C1orf226: variants seen among roughly 807,000 people sequenced by gnomAD.
C1orf226 encodes the protein chromosome 1 open reading frame 226.
C1orf226 carries 4 observed loss-of-function variants against 10.5 expected under a neutral mutation model. The observed-to-expected ratio is 0.38, with a 90% CI of 0.19 to 0.87. C1orf226 has a LOEUF of 0.87. Among genes scored for constraint, C1orf226 ranks in the 40% least tolerant of loss-of-function variants. The pLI is 0.41. For synonymous variants in C1orf226, 125 were observed against 139.3 expected (o/e 0.90, Z 0.72); for missense variants, 313 against 336.2 (o/e 0.93, Z 0.54).
intron 1 of C1orf226, among the ~76,000 whole-genome samples, chr1:162,382,724 G>A (rs1009593653): frequency 2.0e-4 from 30 of 152,198 alleles, no homozygotes; most frequent in African/African-American, 6.5e-4. Flanking sequence ...TTGTGGAGAA[G>A]CCTGCACCTG....
rs1648087813 is a variant in C1orf226 at position 162,385,678 on chromosome 1, C to T, written c.*1995C>T. 1 of 152,188 alleles carries T rather than the reference C, an allele frequency of 6.6e-6. No individual in the cohort carries two copies. The highest frequency in any genetic ancestry group is 2.1e-4 in the South Asian group (1 of 4,836). 9.4% of individuals were successfully genotyped at this position (152,188 alleles called of 1,614,324 possible). A position where few individuals can be genotyped will look rare whatever the true frequency, so the allele number is the denominator to read the frequency against. On this transcript the variant is annotated 3_prime_UTR_variant, in exon 2 of 2. Coordinates refer to ENST00000458626, the MANE Select transcript of C1orf226 (RefSeq NM_001085375.2). ...GTTCCCAGAATGGTTTGGGGTATCA[C>T]ACAAAACACCAGAGCTGAGGATAGG...
chr1:162,382,571 G>A (rs77061615), intron 1 of C1orf226, among the ~76,000 whole-genome samples: 2,864 of 152,270 alleles, frequency 0.019, 41 homozygotes, highest in Middle Eastern at 0.044. Flanking sequence ...GATAACTCAC[G>A]TTCAGACAGA....
At chr1:162,380,765 A>T (rs374029408), upstream of C1orf226, among the ~76,000 whole-genome samples, 6 of 152,296 alleles carry the variant, frequency 3.9e-5, no homozygotes, top group South Asian at 6.2e-4. Context: ...TAGAGCCTGG[A>T]GCTCCAGTCA....
intron 1 of C1orf226, among the ~76,000 whole-genome samples, chr1:162,382,600 G>A (rs1386834196): frequency 2.0e-5 from 3 of 152,208 alleles, no homozygotes; most frequent in African/African-American, 7.2e-5. Flanking sequence ...ATAGCTTGAG[G>A]TCACAAAGAT....
chr1:162,381,925 C>T lies in C1orf226; in HGVS notation c.24C>T (p.Ala8=). 6.2e-7 allele frequency: 1 copy of T among 1,612,844 alleles called. No homozygotes were observed. The highest frequency in any genetic ancestry group is 1.1e-5 in the South Asian group (1 of 91,070). The change falls in exon 1 of 2, where the codon GCC becomes GCT. Residue 8 remains alanine, a synonymous_variant. Transcript: ENST00000458626. The part of the protein sequence containing the change: MFENLNT[A]LTPKLQASRS... Reference sequence around the variant, plus strand: ...GCATGTTTGAGAATTTGAACACAGCCCTCACTCCAAAGCTCCAGGCCAGCC... The same window carrying T: ...GCATGTTTGAGAATTTGAACACAGCTCTCACTCCAAAGCTCCAGGCCAGCC...
Position 162,382,158 on chromosome 1 carries a change from C to T in C1orf226, c.257C>T (p.Ala86Val), listed in dbSNP as rs749078521. 5.0e-6 allele frequency: 8 copies of T among 1,589,814 alleles called. No homozygotes were observed. Among genetic ancestry groups the T allele is most frequent in the Non-Finnish European group, 6.8e-6 (8 of 1,168,182 alleles). ...SVGVTEINKT[A>V]GAQLASGTDA... ...GGTGTGACAGAGATCAACAAGACTG[C>T]AGGAGCACAGCTGGCCAGTGGGACT... The change falls in exon 1 of 2, where the codon GCA (alanine) becomes GTA (valine). Residue 86 changes from alanine (A) to valine (V), a missense_variant. By Grantham distance (64) the Ala-to-Val change is moderately conservative. Transcript: ENST00000458626.
upstream of C1orf226, among the ~76,000 whole-genome samples, chr1:162,381,019 G>A (rs746107725): frequency 2.0e-5 from 3 of 152,208 alleles, no homozygotes; most frequent in Non-Finnish European, 4.4e-5. Flanking sequence ...GAAGGACCAT[G>A]TACCAGGCAT....
upstream of C1orf226, among the ~76,000 whole-genome samples, chr1:162,380,438 A>G (rs756150402): frequency 2.0e-4 from 30 of 152,264 alleles, no homozygotes; most frequent in Non-Finnish European, 4.0e-4. Context: ...CCCGGGATAC[A>G]GCAGTGCAGG....
At chr1:162,383,152 C>A in intron 1 of C1orf226, 30 bp from the exon 2 acceptor site, 1 of 1,528,152 alleles carries the variant, frequency 6.5e-7, no homozygotes, top group Non-Finnish European at 8.8e-7. Context: ...GTCCTTAAGG[C>A]ATGTGTGTTT....
chr1:162,381,243 T>C (rs1320541458), upstream of C1orf226, among the ~76,000 whole-genome samples: 1 of 152,230 alleles, frequency 6.6e-6, no homozygotes, highest in Non-Finnish European at 1.5e-5. Flanking sequence ...AAGGATTAAG[T>C]AAGCTGATGT....
upstream of C1orf226, among the ~76,000 whole-genome samples, chr1:162,379,360 G>A (rs1647838037): frequency 6.6e-6 from 1 of 152,108 alleles, no homozygotes; most frequent in Non-Finnish European, 1.5e-5. Flanking sequence ...AGCCCCTGAA[G>A]ACCACTCCCA....
upstream of C1orf226, among the ~76,000 whole-genome samples, chr1:162,381,309 T>TG (rs572898426): frequency 5.9e-4 from 90 of 152,350 alleles, no homozygotes; most frequent in African/African-American, 2.0e-3. Flanking sequence ...TGGTACGAAC[T>TG]GATTCTGAAC....
Position 162,381,883 on chromosome 1 carries a change from G to C in C1orf226, c.-19G>C. ...CATCATGCCTCTCTGTCGCCTCTTT[G>C]TTCATAGTTGACCACGGCATGTTTG... is the stretch of plus-strand genomic sequence containing the variant. On this transcript the variant is annotated 5_prime_UTR_variant, in exon 1 of 2. Coordinates refer to ENST00000458626, the MANE Select transcript of C1orf226 (RefSeq NM_001085375.2). 1 of 1,611,664 alleles carries C rather than the reference G, an allele frequency of 6.2e-7. No individual in the cohort carries two copies. The highest frequency in any genetic ancestry group is 8.5e-7 in the Non-Finnish European group (1 of 1,179,578).
upstream of C1orf226, chr1:162,379,044 G>GT (rs777689200): frequency 4.6e-5 from 70 of 1,507,988 alleles, no homozygotes; most frequent in East Asian, 5.7e-4. Context: ...AAGATATCCT[G>GT]TTTTTTTGTG....
Position 162,382,151 on chromosome 1 carries a change from A to C in C1orf226, c.250A>C (p.Lys84Gln). ...LGSVGVTEIN[K>Q]TAGAQLASGT... The stretch of plus-strand genomic sequence containing the variant: ...CAGTGTGGGTGTGACAGAGATCAAC[A>C]AGACTGCAGGAGCACAGCTGGCCAG... Residue 84 changes from lysine to glutamine, a missense_variant, in exon 1 of 2, where the codon AAG becomes CAG. Lys to Gln is a moderately conservative substitution (Grantham distance 53). Coordinates refer to ENST00000458626, the MANE Select transcript of C1orf226 (RefSeq NM_001085375.2). 6.3e-7 allele frequency: 1 copy of C among 1,590,226 alleles called. No homozygotes were observed. The highest frequency in any genetic ancestry group is 8.6e-7 in the Non-Finnish European group (1 of 1,168,320).
At position 162,383,781 on chromosome 1, in the gene C1orf226, TGTCTTCC is replaced by T; in HGVS notation, c.*99_*105del. ...CTGGCCTCAACTCCGCTGTGCCCTT[TGTCTTCC>T]TTGTATGAGGCACCAGCAGAGAGCC... On this transcript the variant is annotated 3_prime_UTR_variant, in exon 2 of 2. Coordinates refer to ENST00000458626, the MANE Select transcript of C1orf226 (RefSeq NM_001085375.2). 2.4e-6 allele frequency: 3 copies of T among 1,260,246 alleles called. No individual in the cohort carries two copies. The highest frequency in any genetic ancestry group is 2.8e-5 in the Admixed American group (1 of 35,974). The allele number at this position is 1,260,246 out of a possible 1,614,324, so 78.1% of individuals were successfully genotyped here.
chr1:162,382,420 CCCA>C (rs1647948542), intron 1 of C1orf226, among the ~76,000 whole-genome samples: 1 of 152,096 alleles, frequency 6.6e-6, no homozygotes, highest in Non-Finnish European at 1.5e-5. Flanking sequence ...TTGCTGAGTG[CCCA>C]CCATGTCCTC....
upstream of C1orf226, chr1:162,379,049 T>A: frequency 6.7e-7 from 1 of 1,496,676 alleles, no homozygotes; most frequent in East Asian, 2.5e-5. Context: ...ATCCTGTTTT[T>A]TTGTGGATGA....
At position 162,384,039 on chromosome 1, in the gene C1orf226, A is replaced by G; in HGVS notation, c.*356A>G. ...ACCAGCTCAGGACAATGGATCTTACAGGAATTCTTTTTGCCTGTCCCCTAC... is the reference window on the plus strand; with the variant it reads ...ACCAGCTCAGGACAATGGATCTTACGGGAATTCTTTTTGCCTGTCCCCTAC... On this transcript the variant is annotated 3_prime_UTR_variant, in exon 2 of 2. Transcript: ENST00000458626. The G allele has an allele frequency of 4.2e-6, 1 of 235,690 alleles. No homozygotes were observed. The highest frequency in any genetic ancestry group is 2.3e-5 in the African/African-American group (1 of 44,296). 14.6% of individuals were successfully genotyped at this position (235,690 alleles called of 1,614,324 possible).
Sources: gnomAD v4.1 joint callset for allele counts (sites outside exome capture counted in the v4.1 genomes callset) on GRCh38, gnomAD v4.1.1 for gene constraint, MANE v1.5 for transcripts, NCBI Gene and HGNC (gene_info 2026-07-23, HGNC 2026-07-21) for gene names.